The following METTL9 variants were observed in gnomAD, a reference collection of about 807,000 sequenced individuals.
METTL9 encodes protein-L-histidine N-pros-methyltransferase.
METTL9 carries 10 observed loss-of-function variants against 36.0 expected under a neutral mutation model. The ratio of observed to expected loss-of-function variants is 0.28; its 90% CI spans 0.17 to 0.47. The LOEUF is 0.47. Ranked by LOEUF, METTL9 falls within the 20% of genes least tolerant of loss-of-function variation. The pLI, the probability that METTL9 is intolerant of heterozygous loss-of-function variation, is 0.99. For synonymous variants in METTL9, 175 were observed against 149.7 expected, an observed-to-expected ratio of 1.17 and a Z score of -1.23; for missense variants, 246 against 383.5, an observed-to-expected ratio of 0.64 and a Z score of 3.00.
intron 4 of METTL9, among the ~76,000 whole-genome samples, chr16:21,637,712 T>G (rs770064430): frequency 1.1e-3 from 172 of 152,344 alleles, no homozygotes; most frequent in Middle Eastern, 3.4e-3. Flanking sequence ...CCGCGTGCGC[T>G]GCGCGCAGCC....
chr16:21,629,836 C>G (rs554662858), intron 4 of METTL9, among the ~76,000 whole-genome samples: 1 of 152,148 alleles, frequency 6.6e-6, no homozygotes, highest in African/African-American at 2.4e-5. Flanking sequence ...CTGATTGGTC[C>G]ATTTTACAGA....
In METTL9 at chr16:21,657,278, T is replaced by C. The variant is rs376499133; in HGVS notation, c.*1846T>C. ...TGAAGTTCTCTGAAAACCAGCTTAT[T>C]AAAAGTGCTGTTTTGTGGTGAAAAT... On this transcript the variant is annotated 3_prime_UTR_variant, in exon 5 of 5. Transcript: ENST00000358154. 1.0e-3 allele frequency: 152 copies of C among 152,308 alleles called. No homozygotes were observed. The highest frequency in any genetic ancestry group is 3.6e-3 in the African/African-American group (150 of 41,562). 9.4% of individuals were successfully genotyped at this position (152,308 alleles called of 1,614,324 possible). A position where few individuals can be genotyped will look rare whatever the true frequency, so the allele number is the denominator to read the frequency against.
chr16:21,600,860 A>T (rs1361261642), intron 1 of METTL9, among the ~76,000 whole-genome samples: 2 of 152,182 alleles, frequency 1.3e-5, no homozygotes, highest in Non-Finnish European at 2.9e-5. Flanking sequence ...TTGCTTTTCC[A>T]TAGAGTATTA....
At chr16:21,607,594 T>C (rs1965321782) in intron 1 of METTL9, among the ~76,000 whole-genome samples, 1 of 152,234 alleles carries the variant, frequency 6.6e-6, no homozygotes, top group Non-Finnish European at 1.5e-5. Context: ...AGCAGATGAC[T>C]GAATGGAATC....
In METTL9 at chr16:21,599,716, G is replaced by T. The variant is rs1965051398; in HGVS notation, c.-18G>T. ...CCCCGGCGCCGGCGGTGATCCGAGC[G>T]AGCGGCCGCGGCCCCCGATGAGACT... On this transcript the variant is annotated 5_prime_UTR_variant, in exon 1 of 5. Coordinates refer to ENST00000358154, the MANE Select transcript of METTL9 (RefSeq NM_016025.5). This position sits in a 1 kb window ranked among gnomAD's most constrained non-coding sequence, Gnocchi z 4.4. 2 of 1,481,492 alleles carry T rather than the reference G, an allele frequency of 1.3e-6. No individual in the cohort carries two copies. The highest frequency in any genetic ancestry group is 5.8e-5 in the East Asian group (2 of 34,588). 91.8% of individuals were successfully genotyped at this position (1,481,492 alleles called of 1,614,324 possible). A position where few individuals can be genotyped will look rare whatever the true frequency, so the allele number is the denominator to read the frequency against.
intron 1 of METTL9, among the ~76,000 whole-genome samples, chr16:21,608,540 GT>G (rs1965349214): frequency 6.6e-6 from 1 of 152,148 alleles, no homozygotes; most frequent in African/African-American, 2.4e-5. Context: ...CTACTGGAGA[GT>G]CAGTACAGTG....
In METTL9 at chr16:21,602,576, G is replaced by A. The variant is rs572954651; in HGVS notation, c.165+2678G>A. ...AAGAATAGTTTTATATTTTTAAATG[G>A]TTACCAAGAAAATATCAAAATAACA... On this transcript the variant is annotated intron_variant, in intron 1 of 4. Coordinates refer to ENST00000358154, the MANE Select transcript of METTL9 (RefSeq NM_016025.5). Among the ~76,000 whole-genome samples the A allele has an allele frequency of 2.6e-5, 4 of 152,162 alleles. No homozygotes were observed. In the South Asian group the frequency reaches 8.3e-4, roughly 32 times the overall value.
Position 21,605,257 on chromosome 16 carries a change from C to CTTTTTTTTTTT in METTL9, c.165+5388_165+5398dup, listed in dbSNP as rs3046231. Among the ~76,000 whole-genome samples the CTTTTTTTTTTT allele has an allele frequency of 3.8e-3, 196 of 51,230 alleles. 56 individuals are homozygous for CTTTTTTTTTTT. The highest frequency in any genetic ancestry group is 5.2e-3 in the South Asian group (6 of 1,146). 33.6% of individuals were successfully genotyped at this position (51,230 alleles called of 152,430 possible). On this transcript the variant is annotated intron_variant, in intron 1 of 4. Coordinates refer to ENST00000358154, the MANE Select transcript of METTL9 (RefSeq NM_016025.5). Reference sequence around the variant, plus strand: ...GGGGTGGTAAAAATAGGCTTGCCTTCTTTTTTTTTTTTTTTTTTTTTTTTT... The same window carrying CTTTTTTTTTTT: ...GGGGTGGTAAAAATAGGCTTGCCTTCTTTTTTTTTTTTTTTTTTTTTTTTTTTTTTTTTTTT...
intron 4 of METTL9, among the ~76,000 whole-genome samples, chr16:21,649,507 A>G (rs1426031170): frequency 6.6e-6 from 1 of 152,120 alleles, no homozygotes; most frequent in East Asian, 1.9e-4. Context: ...ATACAACCTC[A>G]TGTCTCCTGC....
chr16:21,600,045 T>G, intron 1 of METTL9, 147 bp downstream of exon 1: 11 of 693,186 alleles, frequency 1.6e-5, no homozygotes, highest in African/African-American at 1.9e-5. Flanking sequence ...TCCCCGCGCC[T>G]TCCCCGCCGG....
At chr16:21,643,481 AT>A (rs1782864803) in intron 4 of METTL9, 1 of 1,031,820 alleles carries the variant, frequency 9.7e-7, no homozygotes, top group African/African-American at 1.6e-5. Context: ...GCTAAAAAAT[AT>A]TTCAGTTTTG....
At chr16:21,606,676 C>G (rs923634601) in intron 1 of METTL9, among the ~76,000 whole-genome samples, 3 of 152,106 alleles carry the variant, frequency 2.0e-5, no homozygotes, top group South Asian at 2.1e-4. Flanking sequence ...GTCTCCCACC[C>G]CTATCAGGAG....
intron 4 of METTL9, among the ~76,000 whole-genome samples, chr16:21,635,071 G>A (rs1048492901): frequency 2.0e-5 from 3 of 152,114 alleles, no homozygotes; most frequent in Non-Finnish European, 2.9e-5. Flanking sequence ...AGCTAAAGCC[G>A]TATTCTTTTC....
chr16:21,629,425 AGGGT>A (rs1965890618), intron 4 of METTL9, among the ~76,000 whole-genome samples: 1 of 152,134 alleles, frequency 6.6e-6, no homozygotes, highest in Non-Finnish European at 1.5e-5. Flanking sequence ...ACCTAGAAAG[AGGGT>A]CCTCACCAGA....
chr16:21,648,603 C>G (rs138009272), intron 4 of METTL9, among the ~76,000 whole-genome samples: 1,597 of 152,322 alleles, frequency 0.01, 11 homozygotes, highest in Non-Finnish European at 0.017. Flanking sequence ...TTGAGTCCCC[C>G]ACCTTGGCCT....
At chr16:21,611,804 ACAGTCTGCTTC>A (rs1965432887) in intron 1 of METTL9, among the ~76,000 whole-genome samples, 1 of 152,174 alleles carries the variant, frequency 6.6e-6, no homozygotes, top group South Asian at 2.1e-4. Flanking sequence ...AAGCTGATGT[ACAGTCTGCTTC>A]CCCACCTCTC....
chr16:21,600,469 T>A (rs1417742445), intron 1 of METTL9, among the ~76,000 whole-genome samples: 1 of 152,158 alleles, frequency 6.6e-6, no homozygotes, highest in Non-Finnish European at 1.5e-5. Flanking sequence ...GTTTGACAGG[T>A]TGTCGCTCCC....
rs1292774937 is a variant in METTL9, at chr16:21,655,799, T to C, written c.*367T>C. 1 of 183,926 alleles carries C rather than the reference T, an allele frequency of 5.4e-6. No individual in the cohort carries two copies. The highest frequency in any genetic ancestry group is 5.5e-5 in the Admixed American group (1 of 18,042). 11.4% of individuals were successfully genotyped at this position (183,926 alleles called of 1,614,324 possible). ...AATCAATGGATTGTTTTTTGAAGAC[T>C]GGCAATAAAGCTGTCCATTCAATTC... is the stretch of plus-strand genomic sequence containing the variant. On this transcript the variant is annotated 3_prime_UTR_variant, in exon 5 of 5. Transcript: ENST00000358154.
chr16:21,603,860 T>G (rs1965204827), intron 1 of METTL9, among the ~76,000 whole-genome samples: 1 of 152,226 alleles, frequency 6.6e-6, no homozygotes, highest in Admixed American at 6.5e-5. Flanking sequence ...ATTGCAAGTA[T>G]GTGTATATTT....
Sources: gnomAD v4.1 joint callset for allele counts (sites outside exome capture counted in the v4.1 genomes callset) on GRCh38, gnomAD v4.1.1 for gene constraint, Gnocchi (gnomAD v3.1) non-coding constraint, MANE v1.5 for transcripts, NCBI Gene and HGNC (gene_info 2026-07-23, HGNC 2026-07-21) for gene names.